The following GUCD1 variants were observed in gnomAD, a reference collection of about 807,000 sequenced individuals.
The protein encoded by GUCD1 is guanylyl cyclase domain containing 1.
GUCD1 carries 17 observed loss-of-function variants against 28.3 expected under a neutral mutation model. The ratio of observed to expected loss-of-function variants is 0.60; its 90% confidence interval spans 0.41 to 0.90. The LOEUF (loss-of-function observed/expected upper bound fraction) is 0.90, where lower values mean the gene tolerates loss of function less well. Among genes scored for constraint, GUCD1 ranks in the 40% least tolerant of loss-of-function variants. The pLI is 0.00. For synonymous variants in GUCD1, 129 were observed against 123.3 expected (o/e 1.05, Z -0.30); for missense variants, 279 against 305.5 (o/e 0.91, Z 0.65).
At chr22:24,543,497 T>G (rs911034789) in intron 5 of GUCD1, among the ~76,000 whole-genome samples, 1 of 152,114 alleles carries the variant, frequency 6.6e-6, no homozygotes, top group African/African-American at 2.4e-5. Context: ...GCCGGGCTTT[T>G]CTTTCTGAGG....
At position 24,547,923 on chromosome 22, in the gene GUCD1, C is replaced by T; in HGVS notation, c.279G>A (p.Lys93=). The change falls in exon 3 of 6, where the codon AAG becomes AAA. Residue 93 remains lysine, a synonymous_variant. Coordinates refer to ENST00000435822, the MANE Select transcript of GUCD1 (RefSeq NM_001284254.2). The stretch of plus-strand genomic sequence containing the variant: ...GGTCGCTCACCTGGTTCTTGTAGCC[C>T]TTGTCGACACCCAGGGTCTGGGTAC... ...RFCTQTLGVD[K]GYKNQSFYRK... The T allele has an allele frequency of 1.9e-6, 3 of 1,614,180 alleles. No individual in the cohort carries two copies. Among genetic ancestry groups the T allele is most frequent in the Non-Finnish European group, 1.7e-6 (2 of 1,180,024 alleles).
At chr22:24,555,834 T>C (rs1454479948), upstream of GUCD1, 1 of 1,543,648 alleles carries the variant, frequency 6.5e-7, no homozygotes, top group Non-Finnish European at 8.7e-7. Flanking sequence ...ATCAGCCCTC[T>C]TTTCCGGTGC....
Position 24,542,970 on chromosome 22 carries a change from G to T in GUCD1, c.*36C>A. 1 of 1,486,034 alleles carries T rather than the reference G, an allele frequency of 6.7e-7. No homozygotes were observed. The highest frequency in any genetic ancestry group is 1.1e-5 in the South Asian group (1 of 88,304). 92.1% of individuals were successfully genotyped at this position (1,486,034 alleles called of 1,614,324 possible). A position where few individuals can be genotyped will look rare whatever the true frequency, so the allele number is the denominator to read the frequency against. On this transcript the variant is annotated 3_prime_UTR_variant, in exon 6 of 6. Transcript: ENST00000435822. ...GAGCGGGCCCGGCTGGGGTGGGGAT[G>T]GGGTCCGAGGGCCTAGGCGCACCAG...
intron 4 of GUCD1, among the ~76,000 whole-genome samples, chr22:24,544,318 G>A (rs943765080): frequency 1.3e-5 from 2 of 151,998 alleles, no homozygotes; most frequent in East Asian, 3.9e-4. Context: ...AGCTGGCTCT[G>A]TCAGGCCCTT....
At chr22:24,547,079 G>C (rs889002455) in intron 3 of GUCD1, 74 bp from the exon 4 acceptor site, 37 of 1,196,786 alleles carry the variant, frequency 3.1e-5, no homozygotes, top group South Asian at 2.1e-4. Flanking sequence ...AGGAAATAAA[G>C]AGCGTGTTAC....
At position 24,541,091 on chromosome 22, in the gene GUCD1, G is replaced by A. The variant is rs1378736665; in HGVS notation, c.*1915C>T. Reference sequence around the variant, plus strand: ...GGCCACCTGGCATTAAGGCAATGGAGATGAGACCAGTCTAGAGCCAACACC... The same window carrying A: ...GGCCACCTGGCATTAAGGCAATGGAAATGAGACCAGTCTAGAGCCAACACC... On this transcript the variant is annotated 3_prime_UTR_variant, in exon 6 of 6. Transcript: ENST00000435822. 1 of 169,582 alleles carries A rather than the reference G, an allele frequency of 5.9e-6. No homozygotes were observed. Among genetic ancestry groups the A allele is most frequent in the Non-Finnish European group, 1.5e-5 (1 of 68,426 alleles). 10.5% of individuals were successfully genotyped at this position (169,582 alleles called of 1,614,324 possible). A position where few individuals can be genotyped will look rare whatever the true frequency, so the allele number is the denominator to read the frequency against.
At chr22:24,544,431 T>C (rs1389975511) in intron 4 of GUCD1, among the ~76,000 whole-genome samples, 2 of 152,192 alleles carry the variant, frequency 1.3e-5, no homozygotes, top group Non-Finnish European at 2.9e-5. Flanking sequence ...AGTGAATTCT[T>C]TTTGCCCAGC....
At position 24,555,024 on chromosome 22, in the gene GUCD1, G is replaced by T; in HGVS notation, c.-33C>A. On this transcript the variant is annotated 5_prime_UTR_variant, in exon 1 of 6. Coordinates refer to ENST00000435822, the MANE Select transcript of GUCD1 (RefSeq NM_001284254.2). ...GCGGCGCGGGGCGCCCATGGCCCCG[G>T]CCCAGAGCGGGCTACAGCTTCCGCT... The T allele has an allele frequency of 1.4e-6, 2 of 1,457,442 alleles. No individual in the cohort carries two copies. The highest frequency in any genetic ancestry group is 9.0e-7 in the Non-Finnish European group (1 of 1,108,090). 90.3% of individuals were successfully genotyped at this position (1,457,442 alleles called of 1,614,324 possible).
At chr22:24,551,350 T>C (rs543213662) in intron 1 of GUCD1, among the ~76,000 whole-genome samples, 2 of 152,312 alleles carry the variant, frequency 1.3e-5, no homozygotes, top group African/African-American at 2.4e-5. Flanking sequence ...GACCCCTGCC[T>C]GTCCCTGCCC....
At chr22:24,546,294 T>G (rs999239457) in intron 4 of GUCD1, among the ~76,000 whole-genome samples, 3 of 152,168 alleles carry the variant, frequency 2.0e-5, no homozygotes, top group Non-Finnish European at 4.4e-5. Context: ...ACCTATCATG[T>G]GATTATACTA....
In GUCD1 at chr22:24,542,292, C is replaced by G. The variant is rs2044613108; in HGVS notation, c.*714G>C. 6.6e-6 allele frequency: 1 copy of G among 152,278 alleles called. No homozygotes were observed. Among genetic ancestry groups the G allele is most frequent in the African/African-American group, 2.4e-5 (1 of 41,472 alleles). 9.4% of individuals were successfully genotyped at this position (152,278 alleles called of 1,614,324 possible). A position where few individuals can be genotyped will look rare whatever the true frequency, so the allele number is the denominator to read the frequency against. Reference sequence around the variant, plus strand: ...CAGAGCACTGCTGCCAGCCACGAGGCCTACCAGTGGGATCTAGGCCCGAGA... The same window carrying G: ...CAGAGCACTGCTGCCAGCCACGAGGGCTACCAGTGGGATCTAGGCCCGAGA... On this transcript the variant is annotated 3_prime_UTR_variant, in exon 6 of 6. Transcript: ENST00000435822.
Position 24,554,966 on chromosome 22 carries a change from C to T in GUCD1, c.26G>A (p.Gly9Glu), listed in dbSNP as rs376068869. 2 of 1,565,282 alleles carry T rather than the reference C, an allele frequency of 1.3e-6. No homozygotes were observed. The highest frequency in any genetic ancestry group is 2.8e-5 in the African/African-American group (2 of 70,266). MRTEAEAA[G>E]PPLEPGDFVQ... ...GCACTGACCGGGCTCGAGCGGCGGC[C>T]CCGCTGCCTCCGCCTCCGTCCTCAT... Residue 9 changes from glycine (G) to glutamate (E), a missense_variant, in exon 1 of 6, where the codon GGG becomes GAG. Coordinates refer to ENST00000435822, the MANE Select transcript of GUCD1 (RefSeq NM_001284254.2).
At chr22:24,545,833 C>T (rs944879128) in intron 4 of GUCD1, among the ~76,000 whole-genome samples, 2 of 151,918 alleles carry the variant, frequency 1.3e-5, no homozygotes, top group Non-Finnish European at 2.9e-5. Context: ...CCTCGTGATC[C>T]GCCCGCCTCG....
At chr22:24,554,555 G>A (rs1032230617) in intron 1 of GUCD1, among the ~76,000 whole-genome samples, 1 of 152,250 alleles carries the variant, frequency 6.6e-6, no homozygotes, top group Non-Finnish European at 1.5e-5. Flanking sequence ...CCGCGTGGCA[G>A]AGAGAACGAA....
At chr22:24,549,551 G>A (rs541811538) in intron 1 of GUCD1, among the ~76,000 whole-genome samples, 1 of 152,040 alleles carries the variant, frequency 6.6e-6, no homozygotes, top group South Asian at 2.1e-4. Flanking sequence ...TTGCTCTGTC[G>A]CACAGGCTGG....
chr22:24,547,556 GGATGAGGTCAGT>G (rs1240660404), intron 3 of GUCD1, among the ~76,000 whole-genome samples: 3 of 152,200 alleles, frequency 2.0e-5, no homozygotes, highest in Non-Finnish European at 4.4e-5. Flanking sequence ...AATGATGGCC[GGATGAGGTCAGT>G]GATGTTCTCA....
chr22:24,546,493 C>A (rs963739243), intron 4 of GUCD1, among the ~76,000 whole-genome samples: 1 of 152,118 alleles, frequency 6.6e-6, no homozygotes, highest in Non-Finnish European at 1.5e-5. Context: ...GAAGAGGAGG[C>A]CCTTGTAAGG....
At chr22:24,545,384 G>C (rs952337119) in intron 4 of GUCD1, among the ~76,000 whole-genome samples, 6 of 152,098 alleles carry the variant, frequency 3.9e-5, no homozygotes, top group Non-Finnish European at 7.4e-5. Flanking sequence ...AGGCTTCAAG[G>C]AATAACAAGC....
chr22:24,555,791 C>T (rs1601560748), upstream of GUCD1: 8 of 1,549,568 alleles, frequency 5.2e-6, no homozygotes, highest in Non-Finnish European at 7.0e-6. Flanking sequence ...TTGCCGGCCC[C>T]AAGGGTCGTT....
Sources: gnomAD v4.1 joint callset for allele counts (sites outside exome capture counted in the v4.1 genomes callset) on GRCh38, gnomAD v4.1.1 for gene constraint, MANE v1.5 for transcripts, NCBI Gene and HGNC (gene_info 2026-07-23, HGNC 2026-07-21) for gene names.